Variants in ATXN1 observed in about 807,000 individuals in gnomAD.
The protein encoded by ATXN1 is ataxin-1.
Under a neutral mutation model 56.4 loss-of-function variants are expected in ATXN1, and 8 were observed. The observed-to-expected ratio is 0.14, with a 90% CI of 0.08 to 0.26. The LOEUF (loss-of-function observed/expected upper bound fraction) is 0.26. Ranked by LOEUF, ATXN1 falls within the 10% of genes least tolerant of loss-of-function variation. ATXN1 has a pLI of 1.00. For synonymous variants in ATXN1, 514 were observed against 494.6 expected (o/e 1.04, Z -0.52); for missense variants, 987 against 1,106.5 (o/e 0.89, Z 1.53).
intron 4 of ATXN1, among the ~76,000 whole-genome samples, chr6:16,540,261 G>A (rs1761686867): frequency 6.6e-6 from 1 of 151,372 alleles, no homozygotes; most frequent in Middle Eastern, 3.4e-3. Flanking sequence ...CACCAGGCTG[G>A]AGTGCAGTAG....
At chr6:16,310,426 C>A (rs989564729) in intron 7 of ATXN1, among the ~76,000 whole-genome samples, 6 of 152,178 alleles carry the variant, frequency 3.9e-5, no homozygotes, top group Non-Finnish European at 7.3e-5. Context: ...ATGGTAGATA[C>A]ATGGTGAATC....
chr6:16,598,798 T>A (rs548612132), intron 3 of ATXN1, among the ~76,000 whole-genome samples: 98 of 152,340 alleles, frequency 6.4e-4, no homozygotes, highest in African/African-American at 2.1e-3. Flanking sequence ...TCTGCTCCAG[T>A]GCACAAAAAG....
At chr6:16,537,772 T>C (rs530538883) in intron 4 of ATXN1, among the ~76,000 whole-genome samples, 36 of 150,452 alleles carry the variant, frequency 2.4e-4, no homozygotes, top group Admixed American at 2.2e-3. Flanking sequence ...AATACAACCA[T>C]GATACAGGCA....
At chr6:16,726,439 T>TC (rs1303553933) in intron 2 of ATXN1, among the ~76,000 whole-genome samples, 4 of 151,850 alleles carry the variant, frequency 2.6e-5, no homozygotes, top group Non-Finnish European at 5.9e-5. Flanking sequence ...TAAGAGATTT[T>TC]CATATGTATA....
intron 2 of ATXN1, among the ~76,000 whole-genome samples, chr6:16,663,631 G>A (rs948200218): frequency 6.6e-6 from 1 of 151,672 alleles, no homozygotes; most frequent in Non-Finnish European, 1.5e-5. Flanking sequence ...GCAGCCAGGA[G>A]CATGTTTTTT....
chr6:16,694,723 C>G (rs2113424392), intron 2 of ATXN1, among the ~76,000 whole-genome samples: 1 of 152,316 alleles, frequency 6.6e-6, no homozygotes, highest in East Asian at 1.9e-4. Context: ...ACTCACATCT[C>G]CTCTCTGGAG....
chr6:16,754,253 A>G (rs537715467), intron 1 of ATXN1, among the ~76,000 whole-genome samples: 1 of 152,360 alleles, frequency 6.6e-6, no homozygotes, highest in South Asian at 2.1e-4. Flanking sequence ...CTATAAAATC[A>G]TCCCCAAACT....
intron 6 of ATXN1, among the ~76,000 whole-genome samples, chr6:16,473,603 T>G (rs1018316782): frequency 3.3e-5 from 5 of 152,180 alleles, no homozygotes; most frequent in African/African-American, 1.2e-4. Context: ...TTCCAGAGAC[T>G]GGAATCTCTT....
intron 6 of ATXN1, among the ~76,000 whole-genome samples, chr6:16,408,821 G>A (rs1758739843): frequency 6.6e-6 from 1 of 152,188 alleles, no homozygotes; most frequent in African/African-American, 2.4e-5. Flanking sequence ...GCTCACTGCA[G>A]CCTCAATCTC....
rs748138574 is a variant in ATXN1, at chr6:16,327,912, G to C, written c.399C>G (p.Ser133=). 1.2e-6 allele frequency: 2 copies of C among 1,609,774 alleles called. No individual in the cohort carries two copies. Among genetic ancestry groups the C allele is most frequent in the South Asian group, 2.2e-5 (2 of 91,088 alleles). Residue 133 remains serine, a synonymous_variant, in exon 7 of 8, where the codon TCC becomes TCG. Transcript: ENST00000436367. ...LPHTFQFIGS[S]QYSGTYASFI... Reference sequence around the variant, plus strand: ...AGCTGGCATAGGTTCCACTGTATTGGGAGGACCCAATGAACTGGAAGGTGT... The same window carrying C: ...AGCTGGCATAGGTTCCACTGTATTGCGAGGACCCAATGAACTGGAAGGTGT...
At chr6:16,581,851 T>C (rs1310143995) in intron 4 of ATXN1, among the ~76,000 whole-genome samples, 2 of 152,200 alleles carry the variant, frequency 1.3e-5, no homozygotes, top group East Asian at 1.9e-4. Context: ...AAAATCACCA[T>C]ACTGTGATAA....
chr6:16,602,232 G>T (rs190327113), intron 3 of ATXN1, among the ~76,000 whole-genome samples: 2 of 151,912 alleles, frequency 1.3e-5, no homozygotes, highest in Non-Finnish European at 2.9e-5. Context: ...GGGCCCCAGG[G>T]GTTTCTACTC....
At chr6:16,733,777 G>A (rs1290816271) in intron 2 of ATXN1, among the ~76,000 whole-genome samples, 1 of 152,240 alleles carries the variant, frequency 6.6e-6, no homozygotes, top group Non-Finnish European at 1.5e-5. Flanking sequence ...AATCCGGGAG[G>A]GAGAGGTTAC....
At chr6:16,727,939 A>T (rs1316044442) in intron 2 of ATXN1, among the ~76,000 whole-genome samples, 1 of 152,234 alleles carries the variant, frequency 6.6e-6, no homozygotes, top group Non-Finnish European at 1.5e-5. Context: ...TTGTTCATTC[A>T]TTCGGGCCAT....
chr6:16,491,999 C>T (rs1225893142), intron 5 of ATXN1, among the ~76,000 whole-genome samples: 2 of 152,022 alleles, frequency 1.3e-5, no homozygotes, highest in African/African-American at 2.4e-5. Flanking sequence ...AAACTAAATA[C>T]AAAAAACCAT....
chr6:16,545,516 A>T (rs1369416554), intron 4 of ATXN1, among the ~76,000 whole-genome samples: 2 of 152,174 alleles, frequency 1.3e-5, no homozygotes, highest in Non-Finnish European at 2.9e-5. Flanking sequence ...TCTAGACCAT[A>T]AGGACTCTTA....
intron 6 of ATXN1, among the ~76,000 whole-genome samples, chr6:16,412,495 G>T (rs910156428): frequency 6.6e-6 from 1 of 152,092 alleles, no homozygotes; most frequent in African/African-American, 2.4e-5. Context: ...ACTCCACCAA[G>T]TGACTAAACT....
At chr6:16,755,820 T>C (rs1035556507) in intron 1 of ATXN1, among the ~76,000 whole-genome samples, 2 of 152,092 alleles carry the variant, frequency 1.3e-5, no homozygotes, top group Non-Finnish European at 2.9e-5. Flanking sequence ...CTACCATGAA[T>C]TTTCTGGAAA....
At chr6:16,723,287 G>A (rs981641840) in intron 2 of ATXN1, among the ~76,000 whole-genome samples, 1 of 152,044 alleles carries the variant, frequency 6.6e-6, no homozygotes, top group African/African-American at 2.4e-5. Context: ...TAACATCTCT[G>A]GGGACATTTT....
Sources: allele counts gnomAD v4.1 joint callset (sites outside exome capture counted in the v4.1 genomes callset), GRCh38; gene constraint gnomAD v4.1.1; transcripts MANE v1.5; gene names NCBI Gene and HGNC (gene_info 2026-07-23, HGNC 2026-07-21).